Variants in SEMA3A observed in about 807,000 individuals in gnomAD.
SEMA3A encodes the protein semaphorin 3A, also known as semaphorin-3A.
A neutral mutation model predicts 97.9 loss-of-function variants in SEMA3A; 29 were observed. The ratio of observed to expected loss-of-function variants is 0.30; its 90% CI spans 0.22 to 0.40. The LOEUF is 0.40. SEMA3A is among the 10% of genes least tolerant of loss of function. The pLI is 1.00. For missense variants in SEMA3A, 763 were observed against 951.3 expected (o/e 0.80, Z 2.60); for synonymous variants, 321 against 323.7 (o/e 0.99, Z 0.09).
At chr7:84,261,631 G>C (rs1799857074) in intron 3 of SEMA3A, among the ~76,000 whole-genome samples, 1 of 152,212 alleles carries the variant, frequency 6.6e-6, no homozygotes, top group Non-Finnish European at 1.5e-5. Flanking sequence ...CCAGTGCCTG[G>C]AGCTGCCCAC....
chr7:84,039,571 T>C (rs1212687653), intron 6 of SEMA3A, among the ~76,000 whole-genome samples: 1 of 152,078 alleles, frequency 6.6e-6, no homozygotes, highest in African/African-American at 2.4e-5. Context: ...GAGTTTAATA[T>C]TGGAGAGGTC....
chr7:84,141,702 T>C (rs1215899362), intron 1 of SEMA3A, among the ~76,000 whole-genome samples: 3 of 152,082 alleles, frequency 2.0e-5, no homozygotes, highest in African/African-American at 7.2e-5. Flanking sequence ...TGTGTGGTTG[T>C]TGTTCCCCTC....
chr7:84,322,770 T>C (rs1801680432), intron 2 of SEMA3A, among the ~76,000 whole-genome samples: 1 of 152,172 alleles, frequency 6.6e-6, no homozygotes, highest in Admixed American at 6.5e-5. Flanking sequence ...ACATAACTTT[T>C]TAGAAAGATA....
At chr7:84,294,387 T>C (rs905507824) in intron 3 of SEMA3A, among the ~76,000 whole-genome samples, 1 of 152,068 alleles carries the variant, frequency 6.6e-6, no homozygotes, top group South Asian at 2.1e-4. Flanking sequence ...GAACCTTTCA[T>C]ATGTTTGCTG....
At chr7:84,200,475 G>A (rs1798327153) in intron 3 of SEMA3A, among the ~76,000 whole-genome samples, 1 of 152,050 alleles carries the variant, frequency 6.6e-6, no homozygotes, top group Non-Finnish European at 1.5e-5. Flanking sequence ...AGTGGAGGAT[G>A]AAAGAGAGTG....
At chr7:84,354,867 T>G (rs752994532) in intron 2 of SEMA3A, among the ~76,000 whole-genome samples, 1 of 151,684 alleles carries the variant, frequency 6.6e-6, no homozygotes, top group Non-Finnish European at 1.5e-5. Flanking sequence ...GTCACTAAAT[T>G]TGGGTCATTT....
At chr7:84,105,073 T>G (rs1045099198) in intron 4 of SEMA3A, among the ~76,000 whole-genome samples, 2 of 152,104 alleles carry the variant, frequency 1.3e-5, no homozygotes, top group Non-Finnish European at 2.9e-5. Context: ...CTTTTCTCAC[T>G]GAGGCTAGCA....
At chr7:84,020,314 G>T (rs1301144279) in intron 6 of SEMA3A, among the ~76,000 whole-genome samples, 3 of 151,642 alleles carry the variant, frequency 2.0e-5, no homozygotes, top group East Asian at 3.9e-4. Flanking sequence ...CAAAGTGCTG[G>T]ATTACAGGTG....
At chr7:83,993,201 G>C (rs1639594) in intron 12 of SEMA3A, among the ~76,000 whole-genome samples, 75,368 of 106,018 alleles carry the variant, frequency 0.71, 27,438 homozygotes, top group East Asian at 0.87. Context: ...TATTTTGAGC[G>C]TATGTGTGTC....
intron 9 of SEMA3A, among the ~76,000 whole-genome samples, chr7:84,010,371 A>G (rs10499878): frequency 0.19 from 29,204 of 152,136 alleles, 2,922 homozygotes; most frequent in South Asian, 0.22. Context: ...CCAAACATAC[A>G]CATTTCTAGT....
At chr7:84,446,694 A>G (rs961720050) in intron 1 of SEMA3A, among the ~76,000 whole-genome samples, 8 of 152,194 alleles carry the variant, frequency 5.3e-5, no homozygotes, top group African/African-American at 1.9e-4. Flanking sequence ...CACTCAAGGA[A>G]TATCATAGTT....
intron 3 of SEMA3A, among the ~76,000 whole-genome samples, chr7:84,219,518 A>G (rs1415978152): frequency 1.3e-5 from 2 of 152,214 alleles, no homozygotes; most frequent in Non-Finnish European, 2.9e-5. Context: ...CAATAAAGTG[A>G]ATATCACAAT....
intron 1 of SEMA3A, among the ~76,000 whole-genome samples, chr7:84,162,542 T>C (rs906341531): frequency 1.3e-5 from 2 of 152,036 alleles, no homozygotes; most frequent in African/African-American, 4.8e-5. Flanking sequence ...TGATTCTAAG[T>C]ACAGCAATGG....
At chr7:84,278,212 A>G (rs148051814) in intron 3 of SEMA3A, among the ~76,000 whole-genome samples, 31 of 152,216 alleles carry the variant, frequency 2.0e-4, no homozygotes, top group African/African-American at 7.2e-4. Context: ...TTGCTGAAGC[A>G]TAACAAAAGT....
chr7:84,440,440 T>C (rs1805243883), intron 1 of SEMA3A, among the ~76,000 whole-genome samples: 1 of 152,172 alleles, frequency 6.6e-6, no homozygotes, highest in Non-Finnish European at 1.5e-5. Context: ...TGATCTCTGA[T>C]TGTTTCTTCT....
rs925146071 is a variant in SEMA3A at position 84,155,509 on chromosome 7, T to C, written c.113-20558A>G. On this transcript the variant is annotated intron_variant, in intron 1 of 16. Transcript: ENST00000265362. ...TAGGCCATCTTTTCCACTTTAGGAA[T>C]TTCTGTTCGTTGGATTATAAATTGT... Among the ~76,000 whole-genome samples the C allele has an allele frequency of 3.3e-5, 5 of 152,244 alleles. No individual in the cohort carries two copies. The East Asian group carries it at 7.7e-4, about 23-fold the overall frequency.
chr7:84,064,861 C>T (rs1443862213), intron 4 of SEMA3A, among the ~76,000 whole-genome samples: 18 of 152,008 alleles, frequency 1.2e-4, no homozygotes, highest in South Asian at 2.1e-4. Context: ...GACAGATCAA[C>T]GAGACAGAAA....
At chr7:84,218,419 C>A (rs1272685462) in intron 3 of SEMA3A, among the ~76,000 whole-genome samples, 3 of 152,092 alleles carry the variant, frequency 2.0e-5, no homozygotes, top group African/African-American at 7.2e-5. Flanking sequence ...TTATCTTCTG[C>A]ATTCGGATAG....
At chr7:84,421,861 T>C (rs948327999) in intron 1 of SEMA3A, among the ~76,000 whole-genome samples, 6 of 152,084 alleles carry the variant, frequency 3.9e-5, no homozygotes, top group African/African-American at 1.4e-4. Flanking sequence ...ATCCCAGGGA[T>C]GAAGCTGACT....
Sources: gnomAD v4.1 joint callset for allele counts (sites outside exome capture counted in the v4.1 genomes callset) on GRCh38, gnomAD v4.1.1 for gene constraint, MANE v1.5 for transcripts, NCBI Gene and HGNC (gene_info 2026-07-23, HGNC 2026-07-21) for gene names.